Variants in CRLF1 observed in about 807,000 individuals in gnomAD.
CRLF1 encodes cytokine receptor like factor 1, also known as cytokine receptor-like factor 1.
CRLF1 carries 36 observed loss-of-function variants against 48.9 expected under a neutral mutation model. That is an observed-to-expected ratio of 0.74 (90% CI 0.56 to 0.97). The LOEUF (loss-of-function observed/expected upper bound fraction) is 0.97. Ranked by LOEUF, CRLF1 falls within the 50% of genes least tolerant of loss-of-function variation. The pLI is 0.00. For missense variants in CRLF1, 534 were observed against 575.1 expected, an observed-to-expected ratio of 0.93 and a Z score of 0.73; for synonymous variants, 256 against 253.4, an observed-to-expected ratio of 1.01 and a Z score of -0.10.
chr19:18,593,938 G>T, intron 8 of CRLF1, 127 bp downstream of exon 8: 1 of 1,485,304 alleles, frequency 6.7e-7, no homozygotes, highest in Admixed American at 2.1e-5. Flanking sequence ...CAAAGGAAGA[G>T]GACGGATTCC....
In CRLF1 at chr19:18,598,589, C is replaced by A. The variant is rs750851361; in HGVS notation, c.540G>T (p.Gln180His). The A allele has an allele frequency of 1.2e-6, 2 of 1,614,020 alleles. No individual in the cohort carries two copies. The highest frequency in any genetic ancestry group is 2.7e-5 in the African/African-American group (2 of 75,038). Residue 180 changes from glutamine (Q) to histidine (H), a missense_variant, in exon 4 of 9, where the codon CAG becomes CAT. This residue lies in a region of CRLF1 where 528 missense variants were observed against 555.7 expected (regional missense o/e 0.95). Transcript: ENST00000392386. ...SLKYKLRWYGQDNTCEEYHTV... is the reference protein window; with the variant it reads ...SLKYKLRWYGHDNTCEEYHTV... ...TGTGGTACTCCTCACATGTGTTGTCCTGGCCATACCACCTGCGGGGATGGG... is the reference window on the plus strand; with the variant it reads ...TGTGGTACTCCTCACATGTGTTGTCATGGCCATACCACCTGCGGGGATGGG...
chr19:18,593,253 T>G lies in CRLF1; in HGVS notation c.*313A>C. The G allele has an allele frequency of 8.0e-6, 3 of 376,898 alleles. No homozygotes were observed. The highest frequency in any genetic ancestry group is 9.9e-6 in the Non-Finnish European group (2 of 202,924). The allele number at this position is 376,898 out of a possible 1,614,324, so 23.3% of individuals were successfully genotyped here. ...ACAATCACAGCACCTAAATAGCTCA[T>G]TTATTTAAAAGGACTCTTTTGGAGG... is the stretch of plus-strand genomic sequence containing the variant. On this transcript the variant is annotated 3_prime_UTR_variant, in exon 9 of 9. Coordinates refer to ENST00000392386, the MANE Select transcript of CRLF1 (RefSeq NM_004750.5).
chr19:18,602,796 T>C lies in CRLF1; in HGVS notation c.116-2950A>G, dbSNP rs530520564. Among the ~76,000 whole-genome samples, 41 of 151,744 alleles carry C rather than the reference T, an allele frequency of 2.7e-4. 1 individual carries two copies. In the East Asian group the frequency reaches 7.8e-3, roughly 29 times the overall value. On this transcript the variant is annotated intron_variant, in intron 1 of 8. Transcript: ENST00000392386. Reference sequence around the variant, plus strand: ...CTCAGTGTTCTACTTTTTTTTTTTTTTGAGACAGAGTCTCACTCTGTCACC... The same window carrying C: ...CTCAGTGTTCTACTTTTTTTTTTTTCTGAGACAGAGTCTCACTCTGTCACC...
intron 4 of CRLF1, among the ~76,000 whole-genome samples, chr19:18,597,696 T>C (rs1976160940): frequency 6.6e-6 from 1 of 152,010 alleles, no homozygotes; most frequent in African/African-American, 2.4e-5. Context: ...CCTCCCAAAG[T>C]GCTGGGATTA....
chr19:18,598,718 C>A (rs1976177944), intron 3 of CRLF1, 54 bp downstream of exon 3: 44 of 1,613,780 alleles, frequency 2.7e-5, no homozygotes, highest in Non-Finnish European at 3.7e-5. Context: ...CCGCGTTGGT[C>A]AAGGTCACGC....
chr19:18,600,137 G>T (rs1464144376), intron 1 of CRLF1, among the ~76,000 whole-genome samples: 2 of 152,080 alleles, frequency 1.3e-5, no homozygotes, highest in East Asian at 3.9e-4. Flanking sequence ...CACAACTCGG[G>T]CATAGAGGCT....
At position 18,598,883 on chromosome 19, in the gene CRLF1, A is replaced by T; in HGVS notation, c.416T>A (p.Val139Asp). The T allele has an allele frequency of 6.2e-7, 1 of 1,613,744 alleles. No individual in the cohort carries two copies. Among genetic ancestry groups the T allele is most frequent in the Non-Finnish European group, 8.5e-7 (1 of 1,179,918 alleles). ...GTTCTTGGACCAGCAGCTGATGTTGACGGGTTTCTCTGGGGGCACTGGGAG... is the reference window on the plus strand; with the variant it reads ...GTTCTTGGACCAGCAGCTGATGTTGTCGGGTTTCTCTGGGGGCACTGGGAG... The part of the protein sequence containing the change: ...LYVGLPPEKP[V>D]NISCWSKNMK... The change falls in exon 3 of 9, where the codon GTC (valine) becomes GAC (aspartate). Residue 139 changes from valine to aspartate, a missense_variant. By Grantham distance (152) the Val-to-Asp change is radical. Coordinates refer to ENST00000392386, the MANE Select transcript of CRLF1 (RefSeq NM_004750.5).
chr19:18,594,530 C>A (rs112080915), intron 6 of CRLF1, 96 bp from the exon 7 acceptor site: 5 of 917,922 alleles, frequency 5.4e-6, no homozygotes, highest in Non-Finnish European at 2.9e-6. Context: ...ACCATGCTCC[C>A]CTCGGGGAAC....
At chr19:18,594,032 T>TTGCACC in intron 8 of CRLF1, 33 bp downstream of exon 8, 1 of 695,812 alleles carries the variant, frequency 1.4e-6, no homozygotes, top group Non-Finnish European at 2.2e-6. Flanking sequence ...CTCCCCTTGC[T>TTGCACC]CCCTCCCGCC....
intron 8 of CRLF1, 128 bp from the exon 9 acceptor site, chr19:18,593,707 CT>C: frequency 6.5e-7 from 1 of 1,532,600 alleles, no homozygotes; most frequent in East Asian, 2.5e-5. Flanking sequence ...GGGCAGGGTC[CT>C]GCCCCTCTCC....
chr19:18,597,357 C>G (rs1423106836), intron 4 of CRLF1, among the ~76,000 whole-genome samples: 3 of 151,864 alleles, frequency 2.0e-5, no homozygotes. Flanking sequence ...GCTTAGGAGG[C>G]CAGGGGCTGT....
At chr19:18,604,687 G>C (rs1976266851) in intron 1 of CRLF1, among the ~76,000 whole-genome samples, 1 of 152,164 alleles carries the variant, frequency 6.6e-6, no homozygotes, top group Non-Finnish European at 1.5e-5. Context: ...CAGGGGAGCA[G>C]CTGGGAACAG....
intron 1 of CRLF1, among the ~76,000 whole-genome samples, chr19:18,603,634 C>T (rs919287295): frequency 9.9e-5 from 15 of 152,206 alleles, no homozygotes; most frequent in African/African-American, 2.2e-4. Flanking sequence ...GTGATCCTGG[C>T]CCCCAGGGAG....
At position 18,597,431 on chromosome 19, in the gene CRLF1, C is replaced by CTTTTTTTTTTTTTTTTTT. The variant is rs765610119; in HGVS notation, c.698-383_698-382insAAAAAAAAAAAAAAAAAA. On this transcript the variant is annotated intron_variant, in intron 4 of 8. Transcript: ENST00000392386. ...TCCCCACTCACACCTCCCTTCCACT[C>CTTTTTTTTTTTTTTTTTT]TTTTTTTTTTTTTTTTGAGACGGAG... 4.4e-4 allele frequency among the ~76,000 whole-genome samples: 36 copies of CTTTTTTTTTTTTTTTTTT among 81,624 alleles called. 12 individuals are homozygous for CTTTTTTTTTTTTTTTTTT. The highest frequency in any genetic ancestry group is 1.6e-3 in the African/African-American group (25 of 15,292). 53.5% of individuals were successfully genotyped at this position (81,624 alleles called of 152,430 possible). A position where few individuals can be genotyped will look rare whatever the true frequency, so the allele number is the denominator to read the frequency against.
chr19:18,593,329 C>T lies in CRLF1; in HGVS notation c.*237G>A. 1 of 568,678 alleles carries T rather than the reference C, an allele frequency of 1.8e-6. No homozygotes were observed. Among genetic ancestry groups the T allele is most frequent in the African/African-American group, 1.9e-5 (1 of 53,352 alleles). The allele number at this position is 568,678 out of a possible 1,614,324, so 35.2% of individuals were successfully genotyped here. A position where few individuals can be genotyped will look rare whatever the true frequency, so the allele number is the denominator to read the frequency against. On this transcript the variant is annotated 3_prime_UTR_variant, in exon 9 of 9. Coordinates refer to ENST00000392386, the MANE Select transcript of CRLF1 (RefSeq NM_004750.5). ...CTCCCCTTCTCACCCCCAGCCCTGG[C>T]AGGGGTTCTAGGCAACTCAACCAAC...
Position 18,596,924 on chromosome 19 carries a change from G to C in CRLF1, c.823C>G (p.Arg275Gly). The change falls in exon 5 of 9, where the codon CGC (arginine) becomes GGC (glycine). Residue 275 changes from arginine (R) to glycine (G), a missense_variant. This residue lies in a region of CRLF1 where 528 missense variants were observed against 555.7 expected (regional missense o/e 0.95). Transcript: ENST00000392386. ...TCCACACTGTCCTCCACTCGGTAGC[G>C]GATCTGGTATTTGGCTTGAAAGAGG... Reference protein sequence around the residue: ...DFLFQAKYQIRYRVEDSVDWK... With the variant: ...DFLFQAKYQIGYRVEDSVDWK... The C allele has an allele frequency of 6.2e-7, 1 of 1,614,120 alleles. No homozygotes were observed. Among genetic ancestry groups the C allele is most frequent in the Non-Finnish European group, 8.5e-7 (1 of 1,180,030 alleles).
Position 18,598,611 on chromosome 19 carries a change from TG to T in CRLF1, c.528-11del. 1.2e-6 allele frequency: 2 copies of T among 1,613,892 alleles called. No homozygotes were observed. The highest frequency in any genetic ancestry group is 1.7e-6 in the Non-Finnish European group (2 of 1,179,946). On this transcript the variant is annotated splice_polypyrimidine_tract_variant and intron_variant, in intron 3 of 8. Coordinates refer to ENST00000392386, the MANE Select transcript of CRLF1 (RefSeq NM_004750.5). ...GTCCTGGCCATACCACCTGCGGGGA[TG>T]GGAGGGCGACAGGACGCATGAGGGT...
rs1413234769 is a variant in CRLF1, at chr19:18,599,792, A to G, written c.170T>C (p.Leu57Pro). 2.5e-6 allele frequency: 4 copies of G among 1,578,066 alleles called. No homozygotes were observed. Among genetic ancestry groups the G allele is most frequent in the Non-Finnish European group, 3.5e-6 (4 of 1,159,008 alleles). Residue 57 changes from leucine (L) to proline (P), a missense_variant, in exon 2 of 9, where the codon CTG becomes CCG. By Grantham distance (98) the Leu-to-Pro change is moderately conservative. Around this residue, in one of 2 missense-constraint regions of CRLF1, gnomAD observed 528 missense variants for 555.7 expected, o/e 0.95. Transcript: ENST00000392386. The part of the protein sequence containing the change: ...DPTLLIGSSL[L>P]ATCSVHGDPP... ...GTCTCCGTGCACTGAGCAGGTGGCC[A>G]GCAGGGAGGAGCCGATGAGAAGCGT... is the stretch of plus-strand genomic sequence containing the variant.
At chr19:18,596,813 G>C in intron 5 of CRLF1, 23 bp from the exon 6 acceptor site, 8 of 1,613,214 alleles carry the variant, frequency 5.0e-6, no homozygotes, top group Non-Finnish European at 5.9e-6. Flanking sequence ...GACAAGGTCA[G>C]AGTAGAGGGC....
Sources: allele counts gnomAD v4.1 joint callset (sites outside exome capture counted in the v4.1 genomes callset), GRCh38; gene constraint gnomAD v4.1.1; regional missense constraint gnomAD v4.1.1; transcripts MANE v1.5; gene names NCBI Gene and HGNC (gene_info 2026-07-23, HGNC 2026-07-21).